Variants in PSTPIP2 observed in about 807,000 individuals in gnomAD.
PSTPIP2 encodes the protein proline-serine-threonine phosphatase interacting protein 2, also known as proline-serine-threonine phosphatase-interacting protein 2.
A neutral mutation model predicts 63.3 loss-of-function variants in PSTPIP2; 33 were observed. The observed-to-expected ratio is 0.52, with a 90% CI of 0.40 to 0.70. The LOEUF is 0.70. Among genes scored for constraint, PSTPIP2 ranks in the 30% least tolerant of loss-of-function variants. The pLI is 0.00. For missense variants in PSTPIP2, 312 were observed against 400.7 expected, an observed-to-expected ratio of 0.78 and a Z score of 1.89; for synonymous variants, 125 against 132.7, an observed-to-expected ratio of 0.94 and a Z score of 0.40.
chr18:46,065,898 A>C (rs951359456), intron 1 of PSTPIP2, among the ~76,000 whole-genome samples: 2 of 151,812 alleles, frequency 1.3e-5, no homozygotes, highest in African/African-American at 4.8e-5. Flanking sequence ...CACTGTGCCC[A>C]GCCAAAGTTA....
At chr18:46,046,131 A>T (rs372904516) in intron 1 of PSTPIP2, among the ~76,000 whole-genome samples, 10 of 152,218 alleles carry the variant, frequency 6.6e-5, no homozygotes, top group African/African-American at 2.2e-4. Flanking sequence ...CTTTCCAACA[A>T]ATGGCTCTGG....
chr18:46,070,994 A>G (rs1909373695), intron 1 of PSTPIP2, among the ~76,000 whole-genome samples: 1 of 150,922 alleles, frequency 6.6e-6, no homozygotes. Flanking sequence ...TACCTGAAAA[A>G]CTCGCAAGCC....
intron 2 of PSTPIP2, chr18:46,029,000 T>C: frequency 1.1e-6 from 1 of 874,610 alleles, no homozygotes; most frequent in Non-Finnish European, 2.0e-6. Context: ...TGTGCACAGA[T>C]TGTGATGGTC....
chr18:46,020,886 G>GC (rs1907322336), intron 3 of PSTPIP2, among the ~76,000 whole-genome samples: 1 of 152,162 alleles, frequency 6.6e-6, no homozygotes, highest in Non-Finnish European at 1.5e-5. Context: ...AAGTAACAAG[G>GC]CAAACGTCAA....
At chr18:46,035,915 C>A (rs1353707939) in intron 2 of PSTPIP2, among the ~76,000 whole-genome samples, 1 of 152,060 alleles carries the variant, frequency 6.6e-6, no homozygotes, top group Non-Finnish European at 1.5e-5. Flanking sequence ...GTGTAAGCCT[C>A]AATGTTGTTG....
At chr18:46,028,160 C>CA (rs1270267826) in intron 2 of PSTPIP2, 15 of 327,756 alleles carry the variant, frequency 4.6e-5, no homozygotes, top group Non-Finnish European at 6.7e-5. Context: ...GACAGTGTCT[C>CA]AAAAAGAAAA....
intron 2 of PSTPIP2, among the ~76,000 whole-genome samples, chr18:46,027,371 A>G (rs1292242110): frequency 6.6e-6 from 1 of 151,690 alleles, no homozygotes; most frequent in African/African-American, 2.4e-5. Flanking sequence ...TTTTTAAAGA[A>G]TAAGACCATA....
chr18:46,066,032 A>G (rs541351456), intron 1 of PSTPIP2, among the ~76,000 whole-genome samples: 47 of 152,108 alleles, frequency 3.1e-4, no homozygotes, highest in African/African-American at 1.0e-3. Context: ...AATAACCTTA[A>G]TTTTATGTTA....
At chr18:45,990,833 C>T in intron 12 of PSTPIP2, 77 bp from the exon 13 acceptor site, 1 of 1,221,514 alleles carries the variant, frequency 8.2e-7, no homozygotes, top group Non-Finnish European at 1.2e-6. Flanking sequence ...TGCTACAAGC[C>T]TATTGTACTC....
At chr18:45,985,549 C>T in intron 14 of PSTPIP2, 99 bp from the exon 15 acceptor site, 1 of 1,246,236 alleles carries the variant, frequency 8.0e-7, no homozygotes, top group Non-Finnish European at 1.1e-6. Flanking sequence ...AGGGTGCAGG[C>T]CAAGGAAAAC....
intron 1 of PSTPIP2, among the ~76,000 whole-genome samples, chr18:46,051,200 G>C (rs1568229782): frequency 6.6e-6 from 1 of 152,294 alleles, no homozygotes; most frequent in East Asian, 2.0e-4. Context: ...ATAAGGCCGG[G>C]TGCAGTGGCT....
chr18:46,013,352 A>C (rs2051820748), intron 4 of PSTPIP2, among the ~76,000 whole-genome samples: 1 of 152,198 alleles, frequency 6.6e-6, no homozygotes, highest in Admixed American at 6.5e-5. Flanking sequence ...GTCTAGAATT[A>C]CTCAACTAGC....
At chr18:46,047,581 G>A (rs1268498947) in intron 1 of PSTPIP2, among the ~76,000 whole-genome samples, 2 of 152,028 alleles carry the variant, frequency 1.3e-5, no homozygotes, top group Non-Finnish European at 2.9e-5. Context: ...AACAGAGCGA[G>A]AATGTGCCTG....
At chr18:45,992,023 C>A in intron 11 of PSTPIP2, 40 bp from the exon 12 acceptor site, 1 of 1,593,648 alleles carries the variant, frequency 6.3e-7, no homozygotes, top group Non-Finnish European at 8.6e-7. Context: ...AAGAGGCAGG[C>A]GTCTTTCATC....
intron 5 of PSTPIP2, among the ~76,000 whole-genome samples, chr18:46,007,062 G>A (rs1173166388): frequency 1.3e-5 from 2 of 152,120 alleles, no homozygotes; most frequent in Non-Finnish European, 2.9e-5. Context: ...TGTAAACAAC[G>A]AAAAGATGCG....
intron 4 of PSTPIP2, among the ~76,000 whole-genome samples, chr18:46,013,284 G>A (rs1179966233): frequency 1.3e-5 from 2 of 152,044 alleles, no homozygotes; most frequent in African/African-American, 4.8e-5. Context: ...AGTTACGGAG[G>A]GAAGAAGACA....
At chr18:46,028,956 T>A in intron 2 of PSTPIP2, 1 of 1,173,974 alleles carries the variant, frequency 8.5e-7, no homozygotes, top group Non-Finnish European at 1.3e-6. Context: ...AACGTCCTTC[T>A]GCTGCTCAGA....
At position 45,983,914 on chromosome 18, in the gene PSTPIP2, A is replaced by C. The variant is rs1473734840; in HGVS notation, c.*1545T>G. 1 of 152,282 alleles carries C rather than the reference A, an allele frequency of 6.6e-6. No homozygotes were observed. The highest frequency in any genetic ancestry group is 2.4e-5 in the African/African-American group (1 of 41,468). 9.4% of individuals were successfully genotyped at this position (152,282 alleles called of 1,614,324 possible). A position where few individuals can be genotyped will look rare whatever the true frequency, so the allele number is the denominator to read the frequency against. On this transcript the variant is annotated 3_prime_UTR_variant, in exon 15 of 15. Transcript: ENST00000409746. ...GTAATCCCAGCACTTTGGGAGGCCGAGGCAGGTGGATCACCTGAGGTCAGG... is the reference window on the plus strand; with the variant it reads ...GTAATCCCAGCACTTTGGGAGGCCGCGGCAGGTGGATCACCTGAGGTCAGG...
At chr18:46,066,004 A>C (rs1909177721) in intron 1 of PSTPIP2, among the ~76,000 whole-genome samples, 1 of 152,180 alleles carries the variant, frequency 6.6e-6, no homozygotes, top group South Asian at 2.1e-4. Flanking sequence ...GTACCAAATC[A>C]CTAATAATAT....
Sources: allele counts gnomAD v4.1 joint callset (sites outside exome capture counted in the v4.1 genomes callset), GRCh38; gene constraint gnomAD v4.1.1; transcripts MANE v1.5; gene names NCBI Gene and HGNC (gene_info 2026-07-23, HGNC 2026-07-21).